The following SLC22A4 variants were observed in gnomAD, a reference collection of about 807,000 sequenced individuals.
SLC22A4 encodes the protein solute carrier family 22 member 4, also known as ET transporter.
In SLC22A4, 39 loss-of-function variants were observed where a neutral mutation model predicts 56.6. The observed-to-expected ratio is 0.69, with a 90% CI of 0.53 to 0.90. The LOEUF (loss-of-function observed/expected upper bound fraction) is 0.90, where lower values mean the gene tolerates loss of function less well. SLC22A4 is among the 40% of genes least tolerant of loss of function. The pLI, the probability that SLC22A4 is intolerant of heterozygous loss-of-function variation, is 0.00. For missense variants in SLC22A4, 594 were observed against 696.5 expected (o/e 0.85, Z 1.66); for synonymous variants, 241 against 281.4 (o/e 0.86, Z 1.44).
In SLC22A4 at chr5:132,336,001, G is replaced by C. The variant is rs769669153; in HGVS notation, c.1444+1G>C. On this transcript the variant is annotated splice_donor_variant, in intron 8 of 9. Transcript: ENST00000200652. LOFTEE classifies it high-confidence loss of function. ...ATTGCCCCCTACTTTGTTTACCTCG[G>C]TGAGCTGCATCTTGTGCATTTGTTC... 3 of 1,613,464 alleles carry C rather than the reference G, an allele frequency of 1.9e-6. No individual in the cohort carries two copies. Among genetic ancestry groups the C allele is most frequent in the Non-Finnish European group, 2.5e-6 (3 of 1,179,514 alleles).
chr5:132,304,620 AAAG>A (rs556241127), intron 1 of SLC22A4, among the ~76,000 whole-genome samples: 178 of 152,322 alleles, frequency 1.2e-3, no homozygotes, highest in Non-Finnish European at 1.6e-3. Flanking sequence ...TCATCTCGGA[AAAG>A]AAGAAGAAGA....
chr5:132,306,216 A>G (rs1750024431), intron 1 of SLC22A4, among the ~76,000 whole-genome samples: 1 of 151,520 alleles, frequency 6.6e-6, no homozygotes, highest in Non-Finnish European at 1.5e-5. Context: ...TGACCCAACA[A>G]TTTCACTACT....
rs397780145 is a variant in SLC22A4 at position 132,341,947 on chromosome 5, CA to C, written c.1580+1257del. ...GCGTGACAGAGCGAGACTCCGTCTC[CA>C]AAAAAAAAACACATCAAGATAAAAT... is the stretch of plus-strand genomic sequence containing the variant. On this transcript the variant is annotated intron_variant, in intron 9 of 9. Transcript: ENST00000200652. Among the ~76,000 whole-genome samples the C allele has an allele frequency of 1.2e-4, 17 of 144,864 alleles. No homozygotes were observed. The South Asian group carries it at 1.6e-3, about 13-fold the overall frequency.
intron 1 of SLC22A4, among the ~76,000 whole-genome samples, chr5:132,300,218 A>G (rs557240551): frequency 6.6e-6 from 1 of 152,338 alleles, no homozygotes; most frequent in South Asian, 2.1e-4. Context: ...ACCAGTGGGT[A>G]CATGATGCTG....
intron 8 of SLC22A4, among the ~76,000 whole-genome samples, chr5:132,336,839 A>G (rs1055034027): frequency 9.9e-5 from 15 of 152,102 alleles, no homozygotes; most frequent in African/African-American, 3.6e-4. Flanking sequence ...CTGTAGGGCT[A>G]CTCACCAAAC....
intron 1 of SLC22A4, among the ~76,000 whole-genome samples, chr5:132,308,433 G>A (rs1354023721): frequency 8.5e-6 from 1 of 117,888 alleles, no homozygotes; most frequent in East Asian, 2.4e-4. Flanking sequence ...GAGAACTTGG[G>A]CTGGTTGCTT....
chr5:132,312,116 C>T lies in SLC22A4; in HGVS notation c.394-45C>T, dbSNP rs753952507. On this transcript the variant is annotated intron_variant, in intron 1 of 9. Coordinates refer to ENST00000200652, the MANE Select transcript of SLC22A4 (RefSeq NM_003059.3). ...CTCAGAGCTGGGCTGGGGTTGAGGT[C>T]TGCCTCAGGGTTGGGCTCACGCTTC... The T allele has an allele frequency of 7.6e-6, 9 of 1,190,228 alleles. No individual in the cohort carries two copies. The African/African-American group carries it at 1.3e-4, about 18-fold the overall frequency. 73.7% of individuals were successfully genotyped at this position (1,190,228 alleles called of 1,614,324 possible). A position where few individuals can be genotyped will look rare whatever the true frequency, so the allele number is the denominator to read the frequency against.
At chr5:132,304,029 G>C (rs1749963296) in intron 1 of SLC22A4, among the ~76,000 whole-genome samples, 1 of 152,194 alleles carries the variant, frequency 6.6e-6, no homozygotes, top group South Asian at 2.1e-4. Flanking sequence ...AAGGATTCTG[G>C]TAACTCCATT....
chr5:132,327,539 T>A, intron 5 of SLC22A4, 136 bp downstream of exon 5: 1 of 692,914 alleles, frequency 1.4e-6, no homozygotes, highest in Non-Finnish European at 2.5e-6. Context: ...CAATCATGAT[T>A]AAATTCTAAG....
chr5:132,303,229 T>C (rs1272456822), intron 1 of SLC22A4, among the ~76,000 whole-genome samples: 1 of 152,224 alleles, frequency 6.6e-6, no homozygotes, highest in Non-Finnish European at 1.5e-5. Flanking sequence ...ACTTCGAAGT[T>C]AGCAGTGTGA....
At chr5:132,336,293 G>GT (rs1751025006) in intron 8 of SLC22A4, among the ~76,000 whole-genome samples, 1 of 152,180 alleles carries the variant, frequency 6.6e-6, no homozygotes, top group African/African-American at 2.4e-5. Flanking sequence ...GGAGGCCAAG[G>GT]TAGGTGGATC....
chr5:132,311,031 G>A (rs753763943), intron 1 of SLC22A4, among the ~76,000 whole-genome samples: 4 of 150,768 alleles, frequency 2.7e-5, no homozygotes, highest in Non-Finnish European at 4.4e-5. Flanking sequence ...TTTTTCTCTT[G>A]TGTGTGTCTT....
chr5:132,343,010 C>A (rs540902977), intron 9 of SLC22A4, among the ~76,000 whole-genome samples: 1 of 152,200 alleles, frequency 6.6e-6, no homozygotes, highest in African/African-American at 2.4e-5. Flanking sequence ...GACCAGCCCC[C>A]ACCCTGAAGC....
intron 6 of SLC22A4, among the ~76,000 whole-genome samples, chr5:132,333,741 T>C (rs1280392057): frequency 6.6e-6 from 1 of 151,990 alleles, no homozygotes; most frequent in East Asian, 1.9e-4. Context: ...ATAAACTATC[T>C]CTTAGAAAAA....
chr5:132,297,626 T>C (rs144447210), intron 1 of SLC22A4, among the ~76,000 whole-genome samples: 5,883 of 150,734 alleles, frequency 0.039, 319 homozygotes, highest in African/African-American at 0.12. Flanking sequence ...CAAATGAAAA[T>C]CATAAGGAGG....
chr5:132,327,865 G>A (rs940776381), intron 5 of SLC22A4, among the ~76,000 whole-genome samples: 4 of 152,134 alleles, frequency 2.6e-5, no homozygotes, highest in Non-Finnish European at 5.9e-5. Flanking sequence ...AGAACCTTAA[G>A]GCCTGAAAGC....
Position 132,299,394 on chromosome 5 carries a change from GTTTTATTTTATTTTA to G in SLC22A4, c.393+4410_393+4424del, listed in dbSNP as rs67806876. Among the ~76,000 whole-genome samples the G allele has an allele frequency of 9.9e-3, 772 of 77,890 alleles. 3 individuals are homozygous for G. Among genetic ancestry groups the G allele is most frequent in the African/African-American group, 0.04 (718 of 17,930 alleles). 51.1% of individuals were successfully genotyped at this position (77,890 alleles called of 152,430 possible). ...GTTACTAAGAGTCAAATTATTTTTC[GTTTTATTTTATTTTA>G]TTTTATTTTATTTTATTTTATTTTT... On this transcript the variant is annotated intron_variant, in intron 1 of 9. Transcript: ENST00000200652.
At chr5:132,331,943 G>C in intron 6 of SLC22A4, 93 bp downstream of exon 6, 1 of 840,932 alleles carries the variant, frequency 1.2e-6, no homozygotes, top group Non-Finnish European at 2.1e-6. Flanking sequence ...CAACGACTGG[G>C]TTTTCCTGAG....
rs368695578 is a variant in SLC22A4 at position 132,322,299 on chromosome 5, G to C, written c.768G>C (p.Trp256Cys). The stretch of plus-strand genomic sequence containing the variant: ...TGTTTGCTTACTTCATCAGAGACTG[G>C]CGGATGCTGCTGCTGGCGCTGACGG... ...LPLFAYFIRD[W>C]RMLLLALTVP... is the part of the protein sequence containing the mutation. The change falls in exon 4 of 10, where the codon TGG (tryptophan) becomes TGC (cysteine). Residue 256 changes from tryptophan (W) to cysteine (C), a missense_variant. Transcript: ENST00000200652. The C allele has an allele frequency of 2.2e-5, 35 of 1,613,966 alleles. No homozygotes were observed. Among genetic ancestry groups the C allele is most frequent in the Non-Finnish European group, 3.0e-5 (35 of 1,180,002 alleles).
Sources: allele counts gnomAD v4.1 joint callset (sites outside exome capture counted in the v4.1 genomes callset), GRCh38; gene constraint gnomAD v4.1.1; transcripts MANE v1.5; gene names NCBI Gene and HGNC (gene_info 2026-07-23, HGNC 2026-07-21).